Variants in DCC observed in about 807,000 individuals in gnomAD.
DCC encodes the protein netrin receptor DCC.
A neutral mutation model predicts 172.5 loss-of-function variants in DCC; 58 were observed. The ratio of observed to expected loss-of-function variants is 0.34; its 90% confidence interval spans 0.27 to 0.42. The LOEUF (loss-of-function observed/expected upper bound fraction) is 0.42, where lower values mean the gene tolerates loss of function less well. Among genes scored for constraint, DCC ranks in the 10% least tolerant of loss-of-function variants. The pLI, the probability that DCC is intolerant of heterozygous loss-of-function variation, is 1.00. For missense variants in DCC, 1,740 were observed against 1,791.0 expected (o/e 0.97, Z 0.51); for synonymous variants, 709 against 644.5 (o/e 1.10, Z -1.52).
At chr18:52,573,057 A>G (rs993573593) in intron 1 of DCC, among the ~76,000 whole-genome samples, 2 of 152,198 alleles carry the variant, frequency 1.3e-5, no homozygotes, top group Non-Finnish European at 2.9e-5. Flanking sequence ...ATGTGATAGA[A>G]ACACCTTTGC....
chr18:52,833,979 C>CA (rs150049854), intron 2 of DCC, among the ~76,000 whole-genome samples: 32,831 of 152,058 alleles, frequency 0.22, 4,052 homozygotes, highest in African/African-American at 0.35. Flanking sequence ...ATAAGCAGGT[C>CA]AGTCTGCCAA....
intron 15 of DCC, among the ~76,000 whole-genome samples, chr18:53,377,127 A>C (rs1423420837): frequency 6.6e-6 from 1 of 152,200 alleles, no homozygotes; most frequent in Non-Finnish European, 1.5e-5. Context: ...AACACAGAGG[A>C]TACAAGGCTG....
rs566533817 is a variant in DCC at position 52,856,043 on chromosome 18, G to A, written c.413-50001G>A. Among the ~76,000 whole-genome samples the A allele has an allele frequency of 2.1e-3, 317 of 151,916 alleles. 2 individuals carry two copies. The highest frequency in any genetic ancestry group is 7.3e-3 in the African/African-American group (301 of 41,492). ...GCCTCCCAAAGTGCTGGGATTACAG[G>A]CGTGAGCCACCGCGCCCCGCCATTA... On this transcript the variant is annotated intron_variant, in intron 2 of 28. Transcript: ENST00000442544.
At chr18:53,271,106 G>A (rs1290729226) in intron 12 of DCC, among the ~76,000 whole-genome samples, 1 of 152,082 alleles carries the variant, frequency 6.6e-6, no homozygotes. Flanking sequence ...ATGCTACAAG[G>A]GTAAGGTTAA....
rs186087358 is a variant in DCC at position 53,299,426 on chromosome 18, G to A, written c.1912-6152G>A. 1.0e-3 allele frequency among the ~76,000 whole-genome samples: 156 copies of A among 152,134 alleles called. 1 individual carries two copies. The highest frequency in any genetic ancestry group is 3.1e-3 in the African/African-American group (129 of 41,522). ...TGAGCTTTCCCTGAAGATGCTTGACGTTGTCCTTACATCTTGAGCTTGTTC... is the reference window on the plus strand; with the variant it reads ...TGAGCTTTCCCTGAAGATGCTTGACATTGTCCTTACATCTTGAGCTTGTTC... On this transcript the variant is annotated intron_variant, in intron 12 of 28. Transcript: ENST00000442544.
chr18:53,214,191 G>A (rs2055808796), intron 11 of DCC, among the ~76,000 whole-genome samples: 1 of 151,840 alleles, frequency 6.6e-6, no homozygotes, highest in East Asian at 1.9e-4. Flanking sequence ...GTTAATTCAT[G>A]AAAAACAAGC....
In DCC at chr18:53,207,732, C is replaced by T. The variant is rs934715117; in HGVS notation, c.1776C>T (p.Thr592=). 3.7e-6 allele frequency: 6 copies of T among 1,613,010 alleles called. No homozygotes were observed. Among genetic ancestry groups the T allele is most frequent in the African/African-American group, 1.3e-5 (1 of 74,954 alleles). The change falls in exon 11 of 29, where the codon ACC becomes ACT. Residue 592 remains threonine, a synonymous_variant. Transcript: ENST00000442544. ...AACTGGAAGGCCTGAAAAAATTCAC[C>T]GAATATAGTCTTCGATTCTTAGCTT... is the stretch of plus-strand genomic sequence containing the variant. The part of the protein sequence containing the change: ...SYKLEGLKKF[T]EYSLRFLAYN...
intron 25 of DCC, among the ~76,000 whole-genome samples, chr18:53,468,381 T>TTATA (rs2045652803): frequency 2.3e-5 from 1 of 42,940 alleles, no homozygotes; most frequent in African/African-American, 6.0e-5. Flanking sequence ...ATTTATTTAT[T>TTATA]TTATTTATTT....
chr18:53,173,691 G>A (rs1214065773), intron 8 of DCC, among the ~76,000 whole-genome samples: 1 of 151,008 alleles, frequency 6.6e-6, no homozygotes, highest in Non-Finnish European at 1.5e-5. Context: ...AGTCCTGAGT[G>A]ACCTACAAAC....
chr18:52,866,777 T>C (rs2039235565), intron 2 of DCC, among the ~76,000 whole-genome samples: 1 of 152,168 alleles, frequency 6.6e-6, no homozygotes, highest in Admixed American at 6.5e-5. Flanking sequence ...TTAAGGAGAT[T>C]TTGGGCTGAG....
intron 1 of DCC, among the ~76,000 whole-genome samples, chr18:52,362,527 G>T (rs556309064): frequency 2.6e-5 from 4 of 152,196 alleles, no homozygotes; most frequent in Non-Finnish European, 4.4e-5. Context: ...ATAAGGGAGG[G>T]TTATAAAATT....
rs1365128389 is a variant in DCC at position 53,510,222 on chromosome 18, C to T, written c.4111+10712C>T. The stretch of plus-strand genomic sequence containing the variant: ...TGCAGAGACTTAATGACTGCACACA[C>T]ATTTCCCCAAACATGACTCATCATT... On this transcript the variant is annotated intron_variant, in intron 27 of 28. Coordinates refer to ENST00000442544, the MANE Select transcript of DCC (RefSeq NM_005215.4). Among the ~76,000 whole-genome samples, 4 of 152,178 alleles carry T rather than the reference C, an allele frequency of 2.6e-5. No homozygotes were observed. In the East Asian group the frequency reaches 7.7e-4, roughly 29 times the overall value.
intron 14 of DCC, among the ~76,000 whole-genome samples, chr18:53,325,562 A>G (rs1215897680): frequency 6.6e-6 from 1 of 152,170 alleles, no homozygotes; most frequent in Admixed American, 6.5e-5. Flanking sequence ...ATTTAACTCC[A>G]TGTTTTTCAT....
intron 1 of DCC, among the ~76,000 whole-genome samples, chr18:52,704,960 C>A (rs1321433068): frequency 1.3e-5 from 2 of 152,078 alleles, no homozygotes; most frequent in Admixed American, 1.3e-4. Flanking sequence ...CCTCTGGTAC[C>A]CTTCATGCAT....
At chr18:53,048,525 G>A (rs1028629289) in intron 5 of DCC, among the ~76,000 whole-genome samples, 3 of 137,040 alleles carry the variant, frequency 2.2e-5, no homozygotes, top group Non-Finnish European at 4.7e-5. Context: ...GTGTGTGTGT[G>A]TATACATATA....
chr18:52,857,447 CTAATT>C (rs746597277), intron 2 of DCC, among the ~76,000 whole-genome samples: 12 of 152,094 alleles, frequency 7.9e-5, no homozygotes, highest in Non-Finnish European at 1.5e-5. Flanking sequence ...TATTTTCTTT[CTAATT>C]TAATTTCTAA....
intron 5 of DCC, among the ~76,000 whole-genome samples, chr18:53,003,099 T>G (rs1029989479): frequency 2.0e-5 from 3 of 152,112 alleles, no homozygotes; most frequent in African/African-American, 7.2e-5. Flanking sequence ...ATAACCAGAT[T>G]CTAACTAAGC....
intron 5 of DCC, among the ~76,000 whole-genome samples, chr18:53,043,002 A>G (rs2042190242): frequency 1.3e-5 from 2 of 152,024 alleles, no homozygotes; most frequent in South Asian, 2.1e-4. Context: ...ATTCTTCTAT[A>G]AAGACATATG....
intron 25 of DCC, among the ~76,000 whole-genome samples, chr18:53,478,467 C>T (rs991550824): frequency 1.3e-5 from 2 of 152,074 alleles, no homozygotes; most frequent in East Asian, 3.9e-4. Flanking sequence ...AGCAGATTAG[C>T]TGTAAGATCA....
Sources: allele counts gnomAD v4.1 joint callset (sites outside exome capture counted in the v4.1 genomes callset), GRCh38; gene constraint gnomAD v4.1.1; transcripts MANE v1.5; gene names NCBI Gene and HGNC (gene_info 2026-07-23, HGNC 2026-07-21).